The following PHTF2 variants were observed in gnomAD, a reference collection of about 807,000 sequenced individuals.
PHTF2 encodes the protein protein PHTF2.
In PHTF2, 60 loss-of-function variants were observed where a neutral mutation model predicts 101.2. The ratio of observed to expected loss-of-function variants is 0.59; its 90% confidence interval spans 0.48 to 0.73. The LOEUF (loss-of-function observed/expected upper bound fraction) is 0.73. Among genes scored for constraint, PHTF2 ranks in the 30% least tolerant of loss-of-function variants. The pLI is 0.00. For synonymous variants in PHTF2, 311 were observed against 307.3 expected (o/e 1.01, Z -0.13); for missense variants, 747 against 908.7 (o/e 0.82, Z 2.29).
intron 1 of PHTF2, among the ~76,000 whole-genome samples, chr7:77,817,185 A>G (rs945845699): frequency 1.3e-5 from 2 of 152,146 alleles, no homozygotes; most frequent in African/African-American, 4.8e-5. Context: ...ATTCCTACCA[A>G]ATGTGTAAGA....
rs573764377 is a variant in PHTF2, at chr7:77,839,875, G to T, written c.-35-346G>T. On this transcript the variant is annotated intron_variant, in intron 1 of 19. Transcript: ENST00000416283. ...GTTTTTAGAAACAAACTACATTACT[G>T]ATTGAATGAATTGGTTTCTTGTATG... Among the ~76,000 whole-genome samples the T allele has an allele frequency of 8.9e-4, 135 of 152,248 alleles. 1 individual carries two copies. The highest frequency in any genetic ancestry group is 2.9e-3 in the African/African-American group (120 of 41,546).
At chr7:77,944,797 A>C (rs1805910595) in intron 16 of PHTF2, among the ~76,000 whole-genome samples, 1 of 152,248 alleles carries the variant, frequency 6.6e-6, no homozygotes, top group Non-Finnish European at 1.5e-5. Context: ...ATAAGTTTGA[A>C]AAAGAACTTC....
chr7:77,923,785 C>T, intron 11 of PHTF2: 1 of 985,074 alleles, frequency 1.0e-6, no homozygotes, highest in Non-Finnish European at 1.2e-6. Context: ...ACCCCTCTCC[C>T]AGAATAAATT....
chr7:77,844,138 C>CT (rs1202526994), intron 2 of PHTF2, among the ~76,000 whole-genome samples: 2 of 152,160 alleles, frequency 1.3e-5, no homozygotes, highest in Admixed American at 1.3e-4. Flanking sequence ...GCTGGAACTA[C>CT]AGGCTCATGC....
chr7:77,915,335 C>G (rs2150891299), intron 9 of PHTF2, among the ~76,000 whole-genome samples: 1 of 152,254 alleles, frequency 6.6e-6, no homozygotes, highest in East Asian at 1.9e-4. Context: ...TCTTCTGCCT[C>G]AGCCTCCCAA....
chr7:77,880,432 C>T (rs531193106), intron 3 of PHTF2, among the ~76,000 whole-genome samples: 2 of 152,304 alleles, frequency 1.3e-5, no homozygotes, highest in African/African-American at 4.8e-5. Flanking sequence ...CCCTGTTCAT[C>T]TCTCTCAAGA....
chr7:77,823,028 C>T (rs1375483358), intron 1 of PHTF2, among the ~76,000 whole-genome samples: 1 of 151,340 alleles, frequency 6.6e-6, no homozygotes, highest in Non-Finnish European at 1.5e-5. Flanking sequence ...CCTCAGCCTC[C>T]CGAGTAGCTG....
chr7:77,830,939 A>T (rs951924214), intron 1 of PHTF2, among the ~76,000 whole-genome samples: 3 of 152,258 alleles, frequency 2.0e-5, no homozygotes, highest in African/African-American at 7.2e-5. Flanking sequence ...AGCCAAAATG[A>T]GTAAATAACA....
At chr7:77,928,199 A>C (rs79067773) in intron 11 of PHTF2, among the ~76,000 whole-genome samples, 1 of 152,126 alleles carries the variant, frequency 6.6e-6, no homozygotes, top group African/African-American at 2.4e-5. Context: ...AAAAAAAAAA[A>C]TTGAAGATAC....
At chr7:77,861,940 C>T (rs1797677952) in intron 3 of PHTF2, among the ~76,000 whole-genome samples, 1 of 152,014 alleles carries the variant, frequency 6.6e-6, no homozygotes, top group African/African-American at 2.4e-5. Context: ...GCCTGTAATC[C>T]CAGCTATTCA....
At chr7:77,842,045 C>T (rs890515416) in intron 2 of PHTF2, among the ~76,000 whole-genome samples, 1 of 151,918 alleles carries the variant, frequency 6.6e-6, no homozygotes, top group Middle Eastern at 3.2e-3. Flanking sequence ...ATTCAGTTAG[C>T]CCTGTAACTG....
chr7:77,951,734 G>T (rs932780881), intron 18 of PHTF2, 22 bp downstream of exon 17: 7 of 969,118 alleles, frequency 7.2e-6, no homozygotes, highest in Non-Finnish European at 6.2e-6. Flanking sequence ...ACTGAAAATG[G>T]TTATAATGTC....
At chr7:77,820,068 T>A (rs1794158120) in intron 1 of PHTF2, among the ~76,000 whole-genome samples, 1 of 152,146 alleles carries the variant, frequency 6.6e-6, no homozygotes, top group Non-Finnish European at 1.5e-5. Context: ...TTTGTATTTT[T>A]AGTAGAGACT....
chr7:77,809,919 C>T (rs1403611786), intron 1 of PHTF2, among the ~76,000 whole-genome samples: 4 of 152,064 alleles, frequency 2.6e-5, no homozygotes, highest in Non-Finnish European at 4.4e-5. Context: ...TTCTTATTCC[C>T]ACCCATTGCA....
chr7:77,930,817 T>C (rs1226582460), intron 12 of PHTF2, among the ~76,000 whole-genome samples: 1 of 152,182 alleles, frequency 6.6e-6, no homozygotes, highest in Non-Finnish European at 1.5e-5. Flanking sequence ...CTGTCTGGTT[T>C]TGGTTGGAGT....
intron 15 of PHTF2, 141 bp from the exon 15 acceptor site, chr7:77,942,559 A>G (rs760407379): frequency 2.2e-6 from 1 of 447,536 alleles, no homozygotes; most frequent in Non-Finnish European, 4.0e-6. Context: ...TGCCTAACAA[A>G]TTAGGTATAT....
At chr7:77,855,759 A>C (rs1187872872) in intron 3 of PHTF2, among the ~76,000 whole-genome samples, 2 of 152,174 alleles carry the variant, frequency 1.3e-5, no homozygotes, top group African/African-American at 2.4e-5. Flanking sequence ...GTGACAGGGC[A>C]GCACCGAGTT....
intron 12 of PHTF2, among the ~76,000 whole-genome samples, chr7:77,930,211 C>T (rs1299880987): frequency 6.6e-6 from 1 of 152,022 alleles, no homozygotes; most frequent in African/African-American, 2.4e-5. Flanking sequence ...ACCTCAGCCT[C>T]CCAAAGTGCT....
chr7:77,863,787 G>GTTTT (rs368245678), intron 3 of PHTF2, among the ~76,000 whole-genome samples: 3 of 132,178 alleles, frequency 2.3e-5, no homozygotes, highest in African/African-American at 5.6e-5. Context: ...GTTTTGTTTT[G>GTTTT]TTTTTTTTTT....
Sources: gnomAD v4.1 joint callset for allele counts (sites outside exome capture counted in the v4.1 genomes callset) on GRCh38, gnomAD v4.1.1 for gene constraint, MANE v1.5 for transcripts, NCBI Gene and HGNC (gene_info 2026-07-23, HGNC 2026-07-21) for gene names.